The following BAHCC1 variants were observed in gnomAD, a reference collection of about 807,000 sequenced individuals.
BAHCC1 encodes BAH and coiled-coil domain-containing protein 1.
Under a neutral mutation model 88.2 loss-of-function variants are expected in BAHCC1, and 43 were observed. The ratio of observed to expected loss-of-function variants is 0.49; its 90% CI spans 0.38 to 0.63. The LOEUF (loss-of-function observed/expected upper bound fraction) is 0.63, where lower values mean the gene tolerates loss of function less well. BAHCC1 is among the 20% of genes least tolerant of loss of function. The pLI is 0.00. For missense variants in BAHCC1, 3,023 were observed against 1,654.8 expected, an observed-to-expected ratio of 1.83 and a Z score of -14.34; for synonymous variants, 1,510 against 745.5, an observed-to-expected ratio of 2.03 and a Z score of -16.71.
chr17:81,457,415 G>T lies in BAHCC1; in HGVS notation c.4864G>T (p.Gly1622Cys). 1.3e-6 allele frequency: 1 copy of T among 769,408 alleles called. No individual in the cohort carries two copies. The highest frequency in any genetic ancestry group is 2.4e-6 in the Non-Finnish European group (1 of 413,554). 47.7% of individuals were successfully genotyped at this position (769,408 alleles called of 1,614,324 possible). A position where few individuals can be genotyped will look rare whatever the true frequency, so the allele number is the denominator to read the frequency against. The change falls in exon 17 of 28, where the codon GGC becomes TGC. Residue 1622 changes from glycine to cysteine, a missense_variant. Coordinates refer to ENST00000675386, the MANE Select transcript of BAHCC1 (RefSeq NM_001377448.1). ...SVAASQEAGSGYDSEDCEGLL... is the reference protein window; with the variant it reads ...SVAASQEAGSCYDSEDCEGLL... The stretch of plus-strand genomic sequence containing the variant: ...CCCCTCTGCCTCTCTCCCAGGCAGT[G>T]GCTATGACAGTGAGGACTGCGAGGG...
chr17:81,454,270 G>A (rs1295028030), intron 14 of BAHCC1, among the ~76,000 whole-genome samples: 1 of 152,198 alleles, frequency 6.6e-6, no homozygotes, highest in African/African-American at 2.4e-5. Flanking sequence ...GACCTGTTTT[G>A]GGGCATCTGG....
At chr17:81,438,320 G>A (rs781909801) in intron 3 of BAHCC1, 50 bp from the exon 4 acceptor site, 10 of 774,346 alleles carry the variant, frequency 1.3e-5, no homozygotes, top group Non-Finnish European at 7.2e-6. Context: ...GGCGAGTGTG[G>A]GCCAGGGGGC....
In BAHCC1 at chr17:81,451,663, C is replaced by G; in HGVS notation, c.3977-5C>G. 1.3e-6 allele frequency: 1 copy of G among 774,524 alleles called. No individual in the cohort carries two copies. The highest frequency in any genetic ancestry group is 1.3e-5 in the South Asian group (1 of 74,382). The allele number at this position is 774,524 out of a possible 1,614,324, so 48.0% of individuals were successfully genotyped here. A position where few individuals can be genotyped will look rare whatever the true frequency, so the allele number is the denominator to read the frequency against. On this transcript the variant is annotated splice_polypyrimidine_tract_variant and splice_region_variant and intron_variant, in intron 11 of 27. Coordinates refer to ENST00000675386, the MANE Select transcript of BAHCC1 (RefSeq NM_001377448.1). ...TGCCCATGCTGACCTTCCCATGCCG[C>G]ACAGAGGAGGAAGAGGACGTGCTAG...
chr17:81,412,416 T>C (rs782713849), intron 2 of BAHCC1, among the ~76,000 whole-genome samples: 17 of 152,222 alleles, frequency 1.1e-4, no homozygotes, highest in Non-Finnish European at 2.1e-4. Context: ...ATTCAAAAAG[T>C]GTATGTGAGG....
At chr17:81,402,719 G>T (rs2063832616) in intron 2 of BAHCC1, 1 of 152,294 alleles carries the variant, frequency 6.6e-6, no homozygotes, top group Admixed American at 6.5e-5. Flanking sequence ...TGCCTGTCTG[G>T]CCTGGCACTG....
Position 81,455,441 on chromosome 17 carries a change from G to T in BAHCC1, c.4569+51G>T, listed in dbSNP as rs1384265202. 5 of 704,828 alleles carry T rather than the reference G, an allele frequency of 7.1e-6. No individual in the cohort carries two copies. The East Asian group carries it at 1.1e-4, about 15-fold the overall frequency. The allele number at this position is 704,828 out of a possible 1,614,324, so 43.7% of individuals were successfully genotyped here. ...CCCAGGGCCCTTCAGGTCCCTTCAGGTCCCTTCCTGGCAGGTAGCAGACTC... is the reference window on the plus strand; with the variant it reads ...CCCAGGGCCCTTCAGGTCCCTTCAGTTCCCTTCCTGGCAGGTAGCAGACTC... On this transcript the variant is annotated intron_variant, in intron 15 of 27. Transcript: ENST00000675386.
chr17:81,409,461 G>T (rs956774893), intron 2 of BAHCC1, among the ~76,000 whole-genome samples: 8 of 152,338 alleles, frequency 5.3e-5, no homozygotes, highest in Admixed American at 6.5e-5. Context: ...GGAGGGTTCT[G>T]GAGGGCCAGG....
At chr17:81,407,814 G>A (rs991528658) in intron 2 of BAHCC1, among the ~76,000 whole-genome samples, 7 of 152,218 alleles carry the variant, frequency 4.6e-5, no homozygotes, top group Admixed American at 3.3e-4. Context: ...CTGCTCCTGT[G>A]TGCTCACACC....
intron 2 of BAHCC1, chr17:81,406,835 C>G (rs1383179989): frequency 4.4e-6 from 2 of 454,458 alleles, no homozygotes; most frequent in Non-Finnish European, 8.9e-6. Flanking sequence ...CAGCGAGCCT[C>G]GGGTCTGGTG....
rs1184075706 is a variant in BAHCC1 at position 81,443,824 on chromosome 17, G to A, written c.2231G>A (p.Arg744His). The A allele has an allele frequency of 5.6e-6, 4 of 712,244 alleles. No homozygotes were observed. The highest frequency in any genetic ancestry group is 1.0e-5 in the Non-Finnish European group (4 of 384,800). 44.1% of individuals were successfully genotyped at this position (712,244 alleles called of 1,614,324 possible). A position where few individuals can be genotyped will look rare whatever the true frequency, so the allele number is the denominator to read the frequency against. ...APAFKGGGGP[R>H]STHALDLEAE... The stretch of plus-strand genomic sequence containing the variant: ...CCCTGTGCAGGTGGCGGTGGGCCCC[G>A]TTCCACACACGCGCTGGACCTGGAG... Residue 744 changes from arginine to histidine, a missense_variant, in exon 6 of 28, where the codon CGT (arginine) becomes CAT (histidine). By Grantham distance (29) the Arg-to-His change is conservative (BLOSUM62 0). Coordinates refer to ENST00000675386, the MANE Select transcript of BAHCC1 (RefSeq NM_001377448.1).
Position 81,443,386 on chromosome 17 carries a change from G to A in BAHCC1, c.2037G>A (p.Glu679=), listed in dbSNP as rs912090014. 3 of 774,782 alleles carry A rather than the reference G, an allele frequency of 3.9e-6. No individual in the cohort carries two copies. The highest frequency in any genetic ancestry group is 1.7e-5 in the Admixed American group (1 of 58,388). 48.0% of individuals were successfully genotyped at this position (774,782 alleles called of 1,614,324 possible). The part of the protein sequence containing the change: ...FLSSKGPGQS[E]RPDCARSREH... ...CCTCTAAGGGCCCAGGCCAGTCGGA[G>A]AGGCCGGACTGTGCCCGCAGCAGGG... The change falls in exon 5 of 28, where the codon GAG becomes GAA. Residue 679 remains glutamate, a synonymous_variant. Transcript: ENST00000675386.
At chr17:81,397,703 C>G (rs1555645144) in intron 1 of BAHCC1, among the ~76,000 whole-genome samples, 1 of 152,300 alleles carries the variant, frequency 6.6e-6, no homozygotes, top group African/African-American at 2.4e-5. Flanking sequence ...CGGGCCCTGG[C>G]GGCCGGGCGC....
intron 4 of BAHCC1, among the ~76,000 whole-genome samples, chr17:81,440,403 C>A (rs1555652324): frequency 6.6e-6 from 1 of 152,240 alleles, no homozygotes; most frequent in African/African-American, 2.4e-5. Context: ...TTAGGTTTCG[C>A]TGGGGCTAGC....
chr17:81,414,705 C>T (rs922760864), intron 2 of BAHCC1, among the ~76,000 whole-genome samples: 4 of 152,206 alleles, frequency 2.6e-5, no homozygotes, highest in South Asian at 2.1e-4. Flanking sequence ...GTGTGGCCGT[C>T]GGGGGCAGGA....
intron 2 of BAHCC1, among the ~76,000 whole-genome samples, chr17:81,420,317 C>T (rs2064101110): frequency 1.3e-5 from 2 of 152,244 alleles, no homozygotes; most frequent in Admixed American, 1.3e-4. Flanking sequence ...CAGCTCTCAC[C>T]TACTGTGTGC....
intron 26 of BAHCC1, 98 bp from the exon 27 acceptor site, chr17:81,462,640 TCA>T (rs1555659816): frequency 1.5e-6 from 1 of 655,388 alleles, no homozygotes; most frequent in Non-Finnish European, 2.7e-6. Context: ...ACACTCAGAC[TCA>T]CACTCACACC....
chr17:81,442,664 G>A lies in BAHCC1; in HGVS notation c.1315G>A (p.Val439Ile). 1 of 775,180 alleles carries A rather than the reference G, an allele frequency of 1.3e-6. No homozygotes were observed. Among genetic ancestry groups the A allele is most frequent in the East Asian group, 2.4e-5 (1 of 41,054 alleles). 48.0% of individuals were successfully genotyped at this position (775,180 alleles called of 1,614,324 possible). A position where few individuals can be genotyped will look rare whatever the true frequency, so the allele number is the denominator to read the frequency against. The change falls in exon 5 of 28, where the codon GTC (valine) becomes ATC (isoleucine). Residue 439 changes from valine (V) to isoleucine (I), a missense_variant. By Grantham distance (29) the Val-to-Ile change is conservative (BLOSUM62 3). Transcript: ENST00000675386. ...CCCCGACCACGCTGCACCCTATGGA[G>A]TCTCCTATGCCCACCTGAAGGCCGA... ...MAPDHAAPYG[V>I]SYAHLKAEGK...
chr17:81,416,393 T>TGCGCGTGTGTAC (rs2064025764), intron 2 of BAHCC1, among the ~76,000 whole-genome samples: 1 of 137,022 alleles, frequency 7.3e-6, no homozygotes, highest in Admixed American at 7.4e-5. Context: ...GATGGGTGTA[T>TGCGCGTGTGTAC]GCGCGTGTGT....
At chr17:81,453,263 T>G (rs1226256583) in intron 14 of BAHCC1, among the ~76,000 whole-genome samples, 7 of 152,350 alleles carry the variant, frequency 4.6e-5, no homozygotes, top group African/African-American at 1.7e-4. Flanking sequence ...CGGCGCGATG[T>G]TATTATCCAT....
Sources: allele counts gnomAD v4.1 joint callset (sites outside exome capture counted in the v4.1 genomes callset), GRCh38; gene constraint gnomAD v4.1.1; transcripts MANE v1.5; gene names NCBI Gene and HGNC (gene_info 2026-07-23, HGNC 2026-07-21).